Variants in SORL1 observed in about 807,000 individuals in gnomAD.
SORL1 encodes sortilin-related receptor.
In SORL1, 127 loss-of-function variants were observed where a neutral mutation model predicts 273.7. That is an observed-to-expected ratio of 0.46 (90% CI 0.40 to 0.54). SORL1 has a LOEUF of 0.54. SORL1 is among the 20% of genes least tolerant of loss of function. The pLI is 0.00. For synonymous variants in SORL1, 1,031 were observed against 1,067.4 expected, an observed-to-expected ratio of 0.97 and a Z score of 0.66; for missense variants, 2,494 against 2,846.1, an observed-to-expected ratio of 0.88 and a Z score of 2.81.
At chr11:121,532,403 A>T in intron 11 of SORL1, 61 bp from the exon 12 acceptor site, 1 of 1,473,694 alleles carries the variant, frequency 6.8e-7, no homozygotes, top group Non-Finnish European at 9.5e-7. Context: ...GGGCATGTGT[A>T]CATGGTTTCT....
chr11:121,569,296 T>A (rs553095995), intron 22 of SORL1, among the ~76,000 whole-genome samples: 3 of 152,148 alleles, frequency 2.0e-5, no homozygotes, highest in Non-Finnish European at 4.4e-5. Context: ...CAATATGAAA[T>A]CTGGGCACCT....
chr11:121,467,030 CT>C (rs58596501), intron 1 of SORL1, among the ~76,000 whole-genome samples: 62 of 125,282 alleles, frequency 4.9e-4, no homozygotes, highest in East Asian at 4.6e-4. Flanking sequence ...TTCTTTTTTT[CT>C]TTTTTTTTTT....
At position 121,452,382 on chromosome 11, in the gene SORL1, C is replaced by G. The variant is rs1274157185; in HGVS notation, c.51C>G (p.Thr17=). The change falls in exon 1 of 48, where the codon ACC becomes ACG. Residue 17 remains threonine, a synonymous_variant. Coordinates refer to ENST00000260197, the MANE Select transcript of SORL1 (RefSeq NM_003105.6). The surrounding 1 kb of genome is among the most constrained non-coding windows in gnomAD (Gnocchi z 5.3). The stretch of plus-strand genomic sequence containing the variant: ...AGTCGCGACTCCCGTTCCTATTCAC[C>G]CTGGTCGCACTGCTGCCGCCCGGAG... ...RRESRLPFLF[T]LVALLPPGAL... is the part of the protein sequence containing the mutation. 1 of 1,551,318 alleles carries G rather than the reference C, an allele frequency of 6.4e-7. No homozygotes were observed. The highest frequency in any genetic ancestry group is 8.7e-7 in the Non-Finnish European group (1 of 1,153,292).
intron 6 of SORL1, among the ~76,000 whole-genome samples, chr11:121,507,996 C>T (rs975044780): frequency 3.9e-5 from 6 of 152,106 alleles, no homozygotes; most frequent in African/African-American, 1.2e-4. Flanking sequence ...TCCTGTACTG[C>T]TATCAAGTTT....
rs750610059 is a variant in SORL1 at position 121,627,646 on chromosome 11, G to A, written c.6456G>A (p.Gly2152=). The change falls in exon 47 of 48, where the codon GGG becomes GGA. Residue 2152 remains glycine (G), a synonymous_variant. Transcript: ENST00000260197. This position sits in a 1 kb window ranked among gnomAD's most constrained non-coding sequence, Gnocchi z 4.9. ...PILFLILLSL[G]VGFAILYTKH... is the part of the protein sequence containing the mutation. ...TATTCCTGATACTGCTGAGCCTGGG[G>A]GTGGGGTTTGCCATCCTGTACACGA... 9.3e-6 allele frequency: 15 copies of A among 1,614,156 alleles called. No homozygotes were observed. The highest frequency in any genetic ancestry group is 1.6e-4 in the Middle Eastern group (1 of 6,062).
chr11:121,614,745 A>G, intron 40 of SORL1, 126 bp from the exon 41 acceptor site: 1 of 730,246 alleles, frequency 1.4e-6, no homozygotes, highest in Non-Finnish European at 2.4e-6. Flanking sequence ...TGACAGTCCT[A>G]CAGCACATGG....
At chr11:121,523,364 G>A (rs563426925) in intron 11 of SORL1, among the ~76,000 whole-genome samples, 8 of 152,162 alleles carry the variant, frequency 5.3e-5, no homozygotes, top group African/African-American at 1.9e-4. Flanking sequence ...TATTAGCCCT[G>A]AAATGGGCTG....
intron 14 of SORL1, 92 bp downstream of exon 14, chr11:121,545,521 G>A: frequency 8.6e-7 from 1 of 1,163,462 alleles, no homozygotes; most frequent in South Asian, 1.3e-5. Flanking sequence ...CTTTCCCTGA[G>A]CAAAGGAAGG....
In SORL1 at chr11:121,604,224, G is replaced by A; in HGVS notation, c.4551G>A (p.Arg1517=). ...PTHSTLTCMS[R]EFQCEDGEAC... is the part of the protein sequence containing the mutation. ...ACAGCACCTTGACTTGCATGAGCAG[G>A]GAGTTCCAGTGCGAGGACGGGGAGG... Residue 1517 remains arginine (R), a synonymous_variant, in exon 33 of 48, where the codon AGG becomes AGA. Coordinates refer to ENST00000260197, the MANE Select transcript of SORL1 (RefSeq NM_003105.6). The A allele has an allele frequency of 6.2e-7, 1 of 1,614,152 alleles. No homozygotes were observed. The highest frequency in any genetic ancestry group is 8.5e-7 in the Non-Finnish European group (1 of 1,180,022).
intron 5 of SORL1, 21 bp downstream of exon 5, chr11:121,490,131 A>G (rs375071315): frequency 6.4e-7 from 1 of 1,570,560 alleles, no homozygotes; most frequent in Non-Finnish European, 8.8e-7. Flanking sequence ...TCATCTAAGA[A>G]ATCTTGATAT....
In SORL1 at chr11:121,614,851, T is replaced by A. The variant is rs961915194; in HGVS notation, c.5420-20T>A. 6.2e-7 allele frequency: 1 copy of A among 1,608,744 alleles called. No individual in the cohort carries two copies. Among genetic ancestry groups the A allele is most frequent in the African/African-American group, 1.3e-5 (1 of 74,860 alleles). On this transcript the variant is annotated intron_variant, in intron 40 of 47. Transcript: ENST00000260197. ...ACACCCCCAACTTCCTCCTGGAATC[T>A]CCTTTTCCTGTTTTCACAGTTGGCA... is the stretch of plus-strand genomic sequence containing the variant.
chr11:121,605,582 C>T lies in SORL1; in HGVS notation c.4948+11C>T, dbSNP rs765409704. On this transcript the variant is annotated intron_variant, in intron 35 of 47. Coordinates refer to ENST00000260197, the MANE Select transcript of SORL1 (RefSeq NM_003105.6). ...GGACCCCAGAGGGATGTAAGTGTTT[C>T]AGTTAATTTTTATGGCATGGGTAAG... is the stretch of plus-strand genomic sequence containing the variant. The T allele has an allele frequency of 1.2e-6, 2 of 1,607,012 alleles. No homozygotes were observed. Among genetic ancestry groups the T allele is most frequent in the Non-Finnish European group, 1.7e-6 (2 of 1,174,408 alleles).
chr11:121,621,240 T>TAAGC lies in SORL1; in HGVS notation c.6064+4_6064+7dup. 6.2e-7 allele frequency: 1 copy of TAAGC among 1,613,590 alleles called. No individual in the cohort carries two copies. Among genetic ancestry groups the TAAGC allele is most frequent in the Non-Finnish European group, 8.5e-7 (1 of 1,179,658 alleles). ...ATTCCAGCATAAAAATTACCACAGG[T>TAAGC]AAGCAGGAGAGAGGTTAGAGGTCTT... On this transcript the variant is annotated splice_region_variant and intron_variant, in intron 44 of 47. Coordinates refer to ENST00000260197, the MANE Select transcript of SORL1 (RefSeq NM_003105.6).
Position 121,604,221 on chromosome 11 carries a change from C to T in SORL1, c.4548C>T (p.Ser1516=), listed in dbSNP as rs138099155. ...CPTHSTLTCM[S]REFQCEDGEA... ...CACACAGCACCTTGACTTGCATGAG[C>T]AGGGAGTTCCAGTGCGAGGACGGGG... The change falls in exon 33 of 48, where the codon AGC becomes AGT. Residue 1516 remains serine, a synonymous_variant. Coordinates refer to ENST00000260197, the MANE Select transcript of SORL1 (RefSeq NM_003105.6). 17 of 1,614,020 alleles carry T rather than the reference C, an allele frequency of 1.1e-5. No homozygotes were observed. In the African/African-American group the frequency reaches 2.0e-4, roughly 19 times the overall value.
At chr11:121,562,333 A>G (rs2134914972) in intron 21 of SORL1, among the ~76,000 whole-genome samples, 1 of 152,270 alleles carries the variant, frequency 6.6e-6, no homozygotes. Context: ...CACATTCGGG[A>G]CTTTCTACAG....
chr11:121,536,482 C>T (rs1464737164), intron 12 of SORL1, among the ~76,000 whole-genome samples: 1 of 146,838 alleles, frequency 6.8e-6, no homozygotes, highest in Non-Finnish European at 1.5e-5. Context: ...CTCACTGCAA[C>T]CTCCTCTTCC....
intron 2 of SORL1, among the ~76,000 whole-genome samples, chr11:121,472,050 C>A (rs1861178392): frequency 6.6e-6 from 1 of 152,204 alleles, no homozygotes. Context: ...CAGGCTAAGG[C>A]AGGAGGATCC....
Position 121,555,237 on chromosome 11 carries a change from C to T in SORL1, c.2490C>T (p.Gly830=), listed in dbSNP as rs775810526. ...STGQEVIINS[G]LETVEALAFE... ...GGCAAGAGGTGATCATCAATTCTGG[C>T]CTGGAGACAGTAGAAGCTTTGGCTT... Residue 830 remains glycine (G), a synonymous_variant, in exon 18 of 48, where the codon GGC becomes GGT. Transcript: ENST00000260197. 4.3e-6 allele frequency: 7 copies of T among 1,613,928 alleles called. 1 individual carries two copies. The South Asian group carries it at 7.7e-5, about 18-fold the overall frequency.
chr11:121,607,093 C>A, intron 36 of SORL1, 93 bp from the exon 37 acceptor site: 1 of 1,029,464 alleles, frequency 9.7e-7, no homozygotes, highest in Non-Finnish European at 1.5e-6. Flanking sequence ...TTGCTCCTCA[C>A]CATCTTTTCT....
Sources: allele counts gnomAD v4.1 joint callset (sites outside exome capture counted in the v4.1 genomes callset), GRCh38; gene constraint gnomAD v4.1.1; non-coding constraint Gnocchi (gnomAD v3.1); transcripts MANE v1.5; gene names NCBI Gene and HGNC (gene_info 2026-07-23, HGNC 2026-07-21).